Variants in MAP4 observed in about 807,000 individuals in gnomAD.
The protein encoded by MAP4 is microtubule associated protein 4, also known as microtubule-associated protein 4.
Under a neutral mutation model 170.2 loss-of-function variants are expected in MAP4, and 76 were observed. That is an observed-to-expected ratio of 0.45 (90% confidence interval 0.37 to 0.54). The LOEUF (loss-of-function observed/expected upper bound fraction) is 0.54, where lower values mean the gene tolerates loss of function less well. MAP4 is among the 20% of genes least tolerant of loss of function. MAP4 has a pLI of 0.00. For synonymous variants in MAP4, 909 were observed against 994.5 expected, an observed-to-expected ratio of 0.91 and a Z score of 1.62; for missense variants, 2,506 against 2,748.0, an observed-to-expected ratio of 0.91 and a Z score of 1.97.
Position 47,912,003 on chromosome 3 carries a change from T to G in MAP4, c.2418A>C (p.Thr806=). 2 of 1,536,116 alleles carry G rather than the reference T, an allele frequency of 1.3e-6. No homozygotes were observed. The highest frequency in any genetic ancestry group is 2.7e-5 in the African/African-American group (2 of 73,162). Residue 806 remains threonine (T), a synonymous_variant, in exon 9 of 21, where the codon ACA becomes ACC. Coordinates refer to ENST00000683076, the MANE Select transcript of MAP4 (RefSeq NM_001385682.1). The part of the protein sequence containing the change: ...KPKGHPFAAD[T]QKSGVLPSQP... The stretch of plus-strand genomic sequence containing the variant: ...GGCTGGGGAGAACACCTGATTTTTG[T>G]GTGTCAGCTGCAAATGGATGACCTT...
rs2041439882 is a variant in MAP4, at chr3:47,851,162, GTTC to G, written c.*1769_*1771del. On this transcript the variant is annotated 3_prime_UTR_variant, in exon 21 of 21. Transcript: ENST00000683076. ...GCTGACAAAACACTGGCTCCCTCAT[GTTC>G]TTGGCACAGCAGAAGTGTTCTGCAC... 6.6e-6 allele frequency: 1 copy of G among 152,260 alleles called. No homozygotes were observed. The highest frequency in any genetic ancestry group is 1.5e-5 in the Non-Finnish European group (1 of 68,066). The allele number at this position is 152,260 out of a possible 1,614,324, so 9.4% of individuals were successfully genotyped here.
At chr3:48,056,192 CATG>C (rs1455327737) in intron 1 of MAP4, among the ~76,000 whole-genome samples, 1 of 128,928 alleles carries the variant, frequency 7.8e-6, no homozygotes, top group African/African-American at 2.7e-5. Flanking sequence ...CCCCGCCAGC[CATG>C]CCGTCCGGGA....
chr3:47,941,503 C>A (rs2100056369), intron 3 of MAP4, among the ~76,000 whole-genome samples: 1 of 151,680 alleles, frequency 6.6e-6, no homozygotes, highest in Admixed American at 6.6e-5. Context: ...CATGGCTGGG[C>A]TCGGTGGCTC....
chr3:47,924,813 G>A (rs1490242828), intron 4 of MAP4, among the ~76,000 whole-genome samples: 4 of 129,456 alleles, frequency 3.1e-5, no homozygotes, highest in African/African-American at 3.5e-5. Context: ...TGGAAGCTAC[G>A]ATATTTTTTT....
At chr3:47,959,341 C>T (rs1223043085) in intron 3 of MAP4, among the ~76,000 whole-genome samples, 2 of 151,946 alleles carry the variant, frequency 1.3e-5, no homozygotes, top group African/African-American at 4.8e-5. Flanking sequence ...ACCTGTGGTC[C>T]CAGCTACTTG....
intron 1 of MAP4, among the ~76,000 whole-genome samples, chr3:48,004,057 CTAA>C (rs1462687161): frequency 6.6e-6 from 1 of 152,162 alleles, no homozygotes; most frequent in Non-Finnish European, 1.5e-5. Context: ...TCAATACTTA[CTAA>C]ATTCCTCTTT....
intron 10 of MAP4, among the ~76,000 whole-genome samples, chr3:47,900,997 T>C (rs1214774643): frequency 6.6e-6 from 1 of 152,218 alleles, no homozygotes; most frequent in Non-Finnish European, 1.5e-5. Flanking sequence ...GTTTAACAGA[T>C]GTCCCTGTTT....
chr3:47,935,782 C>T (rs571458075), intron 3 of MAP4, among the ~76,000 whole-genome samples: 1 of 151,400 alleles, frequency 6.6e-6, no homozygotes, highest in South Asian at 2.1e-4. Flanking sequence ...ACTAAAAATA[C>T]AAAAATTAGC....
At chr3:48,082,049 A>C (rs955506043) in intron 1 of MAP4, among the ~76,000 whole-genome samples, 1 of 152,236 alleles carries the variant, frequency 6.6e-6, no homozygotes, top group Non-Finnish European at 1.5e-5. Context: ...GCAACAAAAT[A>C]CAGTACTGGA....
At chr3:47,925,941 G>A (rs923029178) in intron 4 of MAP4, among the ~76,000 whole-genome samples, 1 of 152,112 alleles carries the variant, frequency 6.6e-6, no homozygotes, top group Admixed American at 6.6e-5. Context: ...TGCAACCTCT[G>A]CCTCCCGGGC....
intron 1 of MAP4, among the ~76,000 whole-genome samples, chr3:48,067,124 G>GC (rs2100138732): frequency 6.6e-6 from 1 of 151,992 alleles, no homozygotes; most frequent in African/African-American, 2.4e-5. Flanking sequence ...ACAAGCGTGA[G>GC]CCACCGCGCC....
At chr3:47,898,143 CCTCA>C (rs1188940516) in intron 10 of MAP4, among the ~76,000 whole-genome samples, 1 of 152,164 alleles carries the variant, frequency 6.6e-6, no homozygotes, top group Non-Finnish European at 1.5e-5. Flanking sequence ...ACAGATTCAG[CCTCA>C]CTAAGAAAAA....
At chr3:48,069,685 T>C (rs2100140036) in intron 1 of MAP4, among the ~76,000 whole-genome samples, 2 of 152,188 alleles carry the variant, frequency 1.3e-5, no homozygotes, top group South Asian at 4.1e-4. Context: ...TTTGTCCCTA[T>C]TATTGTTATC....
At chr3:48,068,244 A>G (rs962542704) in intron 1 of MAP4, among the ~76,000 whole-genome samples, 112 of 148,604 alleles carry the variant, frequency 7.5e-4, no homozygotes, top group Non-Finnish European at 1.1e-3. Flanking sequence ...CAACCTGGGT[A>G]ACAGAGCAAG....
rs1356152330 is a variant in MAP4 at position 47,912,442 on chromosome 3, C to T, written c.2000-21G>A. The T allele has an allele frequency of 2.8e-6, 4 of 1,452,154 alleles. No homozygotes were observed. The African/African-American group carries it at 5.7e-5, about 21-fold the overall frequency. 90.0% of individuals were successfully genotyped at this position (1,452,154 alleles called of 1,614,324 possible). A position where few individuals can be genotyped will look rare whatever the true frequency, so the allele number is the denominator to read the frequency against. On this transcript the variant is annotated intron_variant, in intron 8 of 20. Coordinates refer to ENST00000683076, the MANE Select transcript of MAP4 (RefSeq NM_001385682.1). ...GTTGGCTAAAATTCCAAACAAAAAA[C>T]TCCTCGTTATTGTTTCTTAAAAACA...
chr3:47,979,280 A>C lies in MAP4; in HGVS notation c.224-1347T>G, dbSNP rs529316206. Among the ~76,000 whole-genome samples, 13 of 152,020 alleles carry C rather than the reference A, an allele frequency of 8.6e-5. No individual in the cohort carries two copies. In the South Asian group the frequency reaches 2.5e-3, roughly 29 times the overall value. The stretch of plus-strand genomic sequence containing the variant: ...TCACCTAATAATTAGGTAATTAGGT[A>C]ATTATTACAGAGTCATTTGTGGAAA... On this transcript the variant is annotated intron_variant, in intron 2 of 20. Transcript: ENST00000683076.
intron 1 of MAP4, among the ~76,000 whole-genome samples, chr3:48,047,098 A>C (rs1324583553): frequency 1.4e-5 from 2 of 145,718 alleles, no homozygotes; most frequent in African/African-American, 5.0e-5. Flanking sequence ...CGTCTCAAAA[A>C]TAAATAAATA....
At chr3:48,045,102 C>CA (rs763162813) in intron 1 of MAP4, among the ~76,000 whole-genome samples, 20 of 149,678 alleles carry the variant, frequency 1.3e-4, no homozygotes, top group Non-Finnish European at 2.7e-4. Flanking sequence ...ACTAAAAATA[C>CA]AAAAAATTAG....
At chr3:48,049,982 G>A (rs777790326) in intron 1 of MAP4, among the ~76,000 whole-genome samples, 7 of 150,908 alleles carry the variant, frequency 4.6e-5, no homozygotes, top group Non-Finnish European at 1.0e-4. Flanking sequence ...ATTTTTGGCC[G>A]GGTGCAGTGG....
Sources: gnomAD v4.1 joint callset for allele counts (sites outside exome capture counted in the v4.1 genomes callset) on GRCh38, gnomAD v4.1.1 for gene constraint, MANE v1.5 for transcripts, NCBI Gene and HGNC (gene_info 2026-07-23, HGNC 2026-07-21) for gene names.